Variants in STRN observed in about 807,000 individuals in gnomAD.
The protein encoded by STRN is protein phosphatase 2 regulatory subunit B'''alpha.
Under a neutral mutation model 96.3 loss-of-function variants are expected in STRN, and 53 were observed. The ratio of observed to expected loss-of-function variants is 0.55; its 90% CI spans 0.44 to 0.69. The LOEUF (loss-of-function observed/expected upper bound fraction) is 0.69, where lower values mean the gene tolerates loss of function less well. Among genes scored for constraint, STRN ranks in the 30% least tolerant of loss-of-function variants. The probability of loss-of-function intolerance (pLI) is 0.00; values close to 1 mark genes in which losing one functional copy is unlikely to be tolerated. For missense variants in STRN, 987 were observed against 963.9 expected (o/e 1.02, Z -0.32); for synonymous variants, 428 against 355.9 (o/e 1.20, Z -2.28).
At chr2:36,929,446 C>G (rs112644257) in intron 1 of STRN, among the ~76,000 whole-genome samples, 1 of 151,198 alleles carries the variant, frequency 6.6e-6, no homozygotes, top group East Asian at 2.0e-4. Context: ...TGCAGTGGTG[C>G]GATTTCGGCT....
intron 7 of STRN, among the ~76,000 whole-genome samples, chr2:36,889,573 CA>C (rs1669331935): frequency 1.7e-5 from 2 of 120,582 alleles, no homozygotes; most frequent in South Asian, 5.2e-4. Flanking sequence ...TTTTGCTTGC[CA>C]GAATCTAACC....
intron 2 of STRN, among the ~76,000 whole-genome samples, chr2:36,918,362 G>A (rs1225661768): frequency 6.6e-6 from 1 of 151,994 alleles, no homozygotes; most frequent in African/African-American, 2.4e-5. Context: ...CCTGCTAGAA[G>A]TCAAAATAGC....
chr2:36,876,195 G>A (rs1263907230), intron 10 of STRN, among the ~76,000 whole-genome samples: 3 of 151,950 alleles, frequency 2.0e-5, no homozygotes, highest in East Asian at 1.9e-4. Context: ...ATTTGAGCCC[G>A]GTGGGGCGGA....
chr2:36,867,217 T>C (rs1210052035), intron 12 of STRN, among the ~76,000 whole-genome samples: 1 of 152,154 alleles, frequency 6.6e-6, no homozygotes, highest in East Asian at 1.9e-4. Flanking sequence ...CAGGTGCCTG[T>C]AATCCTACCA....
At chr2:36,894,573 C>G (rs1669489471) in intron 6 of STRN, among the ~76,000 whole-genome samples, 1 of 152,292 alleles carries the variant, frequency 6.6e-6, no homozygotes, top group East Asian at 1.9e-4. Context: ...TGCCTAAGCT[C>G]TTTATGAACT....
At position 36,847,417 on chromosome 2, in the gene STRN, A is replaced by G. The variant is rs770887650; in HGVS notation, c.*2039T>C. ...TCCTTCCTGGAAGGAATTTTCCAGT[A>G]TCCTTCTACAAATGTTAGGTTAGAA... On this transcript the variant is annotated 3_prime_UTR_variant, in exon 18 of 18. Transcript: ENST00000263918. The G allele has an allele frequency of 6.6e-6, 1 of 152,138 alleles. No homozygotes were observed. Among genetic ancestry groups the G allele is most frequent in the Non-Finnish European group, 1.5e-5 (1 of 68,010 alleles). 9.4% of individuals were successfully genotyped at this position (152,138 alleles called of 1,614,324 possible).
At position 36,876,916 on chromosome 2, in the gene STRN, T is replaced by A. The variant is rs1403217507; in HGVS notation, c.1323+975A>T. On this transcript the variant is annotated intron_variant, in intron 10 of 17. Coordinates refer to ENST00000263918, the MANE Select transcript of STRN (RefSeq NM_003162.4). ...GCGCCTGCCACCACGCCTGGCTAAT[T>A]TTTTTGTATTTTTAATAGAGACGGG... 2.0e-5 allele frequency among the ~76,000 whole-genome samples: 3 copies of A among 151,790 alleles called. No individual in the cohort carries two copies. The East Asian group carries it at 5.8e-4, about 29-fold the overall frequency.
intron 6 of STRN, among the ~76,000 whole-genome samples, chr2:36,895,044 G>A (rs977953503): frequency 6.6e-6 from 1 of 152,078 alleles, no homozygotes; most frequent in African/African-American, 2.4e-5. Flanking sequence ...CTGTAAAGGA[G>A]TGGCCGGGCC....
chr2:36,927,092 G>C (rs1467197965), intron 1 of STRN, among the ~76,000 whole-genome samples: 1 of 151,994 alleles, frequency 6.6e-6, no homozygotes, highest in African/African-American at 2.4e-5. Context: ...ATACTCCTTG[G>C]CTAGTTTTGC....
intron 12 of STRN, among the ~76,000 whole-genome samples, chr2:36,864,289 G>C (rs534375490): frequency 3.9e-5 from 6 of 152,288 alleles, no homozygotes; most frequent in Non-Finnish European, 7.4e-5. Flanking sequence ...CAGGCTGTGA[G>C]CTTGTCATAG....
At chr2:36,947,728 A>C (rs533321543) in intron 1 of STRN, among the ~76,000 whole-genome samples, 3 of 151,994 alleles carry the variant, frequency 2.0e-5, no homozygotes, top group African/African-American at 7.2e-5. Flanking sequence ...CAACCTTATT[A>C]AAGTTACTTT....
At chr2:36,875,537 T>C (rs1312583206) in intron 10 of STRN, among the ~76,000 whole-genome samples, 1 of 129,864 alleles carries the variant, frequency 7.7e-6, no homozygotes, top group South Asian at 2.5e-4. Flanking sequence ...AAAGATTGAA[T>C]GCTCCAATTA....
At chr2:36,888,737 C>A (rs1310210120) in intron 7 of STRN, among the ~76,000 whole-genome samples, 1 of 151,738 alleles carries the variant, frequency 6.6e-6, no homozygotes, top group Non-Finnish European at 1.5e-5. Flanking sequence ...CTGGGGTGCA[C>A]TGTCACAATC....
chr2:36,929,619 G>A (rs1572682644), intron 1 of STRN, among the ~76,000 whole-genome samples: 3 of 152,090 alleles, frequency 2.0e-5, no homozygotes, highest in African/African-American at 4.8e-5. Context: ...TCCTGACCTC[G>A]TGATCCACCC....
At position 36,845,230 on chromosome 2, in the gene STRN, T is replaced by C. The variant is rs977504134; in HGVS notation, c.*4226A>G. The C allele has an allele frequency of 8.5e-5, 13 of 152,136 alleles. No homozygotes were observed. The East Asian group carries it at 9.6e-4, about 11-fold the overall frequency. The allele number at this position is 152,136 out of a possible 1,614,324, so 9.4% of individuals were successfully genotyped here. A position where few individuals can be genotyped will look rare whatever the true frequency, so the allele number is the denominator to read the frequency against. On this transcript the variant is annotated 3_prime_UTR_variant, in exon 18 of 18. Transcript: ENST00000263918. ...TCATTATCTCCACTCGCTAAAAACA[T>C]TGATGGTTAATTTTAAGCAATTCTT...
intron 7 of STRN, among the ~76,000 whole-genome samples, chr2:36,889,980 AG>A (rs954939215): frequency 1.3e-5 from 2 of 152,230 alleles, no homozygotes; most frequent in Admixed American, 6.5e-5. Flanking sequence ...GTTAAAGTAA[AG>A]GAAGTTACAC....
intron 1 of STRN, among the ~76,000 whole-genome samples, chr2:36,940,177 G>A (rs1670809838): frequency 1.3e-5 from 2 of 152,156 alleles, no homozygotes; most frequent in Non-Finnish European, 2.9e-5. Context: ...TAAGATATAT[G>A]TAGTAAACAT....
At chr2:36,855,160 T>A in intron 15 of STRN, 52 bp downstream of exon 15, 1 of 1,585,882 alleles carries the variant, frequency 6.3e-7, no homozygotes, top group African/African-American at 1.3e-5. Context: ...TAGTCGTAAT[T>A]TTGATTAAGT....
At chr2:36,922,512 C>A (rs1670287327) in intron 2 of STRN, among the ~76,000 whole-genome samples, 1 of 133,474 alleles carries the variant, frequency 7.5e-6, no homozygotes, top group Admixed American at 7.5e-5. Context: ...GAGCAAGACC[C>A]TGTCTCAAAA....
Sources: gnomAD v4.1 joint callset for allele counts (sites outside exome capture counted in the v4.1 genomes callset) on GRCh38, gnomAD v4.1.1 for gene constraint, MANE v1.5 for transcripts, NCBI Gene and HGNC (gene_info 2026-07-23, HGNC 2026-07-21) for gene names.